The following TIMD4 variants were observed in gnomAD, a reference collection of about 807,000 sequenced individuals.
TIMD4 encodes T cell immunoglobulin and mucin domain containing 4, also known as T-cell immunoglobulin and mucin domain-containing protein 4.
In TIMD4, 31 loss-of-function variants were observed where a neutral mutation model predicts 41.2. The observed-to-expected ratio is 0.75, with a 90% CI of 0.57 to 1.01. The LOEUF is 1.01. TIMD4 is among the 50% of genes least tolerant of loss of function. The pLI, the probability that TIMD4 is intolerant of heterozygous loss-of-function variation, is 0.00. For synonymous variants in TIMD4, 204 were observed against 177.1 expected, an observed-to-expected ratio of 1.15 and a Z score of -1.21; for missense variants, 479 against 472.5, an observed-to-expected ratio of 1.01 and a Z score of -0.13.
chr5:156,954,665 G>C lies in TIMD4; in HGVS notation c.150C>G (p.Asn50Lys), dbSNP rs919633866. 6 of 1,614,236 alleles carry C rather than the reference G, an allele frequency of 3.7e-6. No homozygotes were observed. Among genetic ancestry groups the C allele is most frequent in the Non-Finnish European group, 4.2e-6 (5 of 1,180,048 alleles). ...CLYSSWSHNSNSMCWGKDQCP... is the reference protein window; with the variant it reads ...CLYSSWSHNSKSMCWGKDQCP... ...ACTGGTCTTTCCCCCAGCACATGCT[G>C]TTGCTGTTGTGAGACCAGGATGAGT... Residue 50 changes from asparagine to lysine, a missense_variant, in exon 2 of 9, where the codon AAC (asparagine) becomes AAG (lysine). Asn to Lys is a moderately conservative substitution (Grantham distance 94). Coordinates refer to ENST00000274532, the MANE Select transcript of TIMD4 (RefSeq NM_138379.3).
At chr5:156,930,648 T>A (rs1343239306) in intron 5 of TIMD4, among the ~76,000 whole-genome samples, 2 of 152,256 alleles carry the variant, frequency 1.3e-5, no homozygotes. Context: ...TACATTTATT[T>A]ATACCTTATC....
chr5:156,920,847 C>T (rs1644817817), intron 7 of TIMD4, among the ~76,000 whole-genome samples: 1 of 152,164 alleles, frequency 6.6e-6, no homozygotes, highest in Admixed American at 6.5e-5. Context: ...TGTAATCATG[C>T]CTTTGTATGA....
chr5:156,956,984 AC>A (rs1358556340), intron 1 of TIMD4, among the ~76,000 whole-genome samples: 1 of 150,634 alleles, frequency 6.6e-6, no homozygotes, highest in African/African-American at 2.4e-5. Context: ...CCTAAGAGTC[AC>A]CCATATGGTA....
rs1384302006 is a variant in TIMD4, at chr5:156,951,736, G to C, written c.455C>G (p.Thr152Arg). 9 of 1,613,562 alleles carry C rather than the reference G, an allele frequency of 5.6e-6. No homozygotes were observed. Among genetic ancestry groups the C allele is most frequent in the Non-Finnish European group, 7.6e-6 (9 of 1,179,800 alleles). ...CATTTGTCGGGTGGTGGTGGGGCTT[G>C]TTGTTGTTGTTCTGCGTGTGGTGGT... ...ATTTTRRTTT[T>R]SPTTTRQMTT... The change falls in exon 3 of 9, where the codon ACA becomes AGA. Residue 152 changes from threonine to arginine, a missense_variant. By Grantham distance (71) the Thr-to-Arg change is moderately conservative. Transcript: ENST00000274532.
At chr5:156,954,172 AC>A (rs111761762) in intron 2 of TIMD4, among the ~76,000 whole-genome samples, 1,581 of 152,330 alleles carry the variant, frequency 0.01, 7 homozygotes, top group African/African-American at 0.016. Context: ...TCCCCTAGAT[AC>A]GTAGCAGCTG....
At position 156,919,493 on chromosome 5, in the gene TIMD4, A is replaced by T; in HGVS notation, c.1101T>A (p.His367Gln). ...AAAGGCCGTCTTCGTCTTCCCTTCC[A>T]TGCTGCACGTCATTGAGGACATTTT... is the stretch of plus-strand genomic sequence containing the variant. The part of the protein sequence containing the change: ...DSKNVLNDVQ[H>Q]GREDEDGLFT... The change falls in exon 9 of 9, where the codon CAT becomes CAA. Residue 367 changes from histidine (H) to glutamine (Q), a missense_variant. Coordinates refer to ENST00000274532, the MANE Select transcript of TIMD4 (RefSeq NM_138379.3). 2 of 1,614,032 alleles carry T rather than the reference A, an allele frequency of 1.2e-6. No individual in the cohort carries two copies. The highest frequency in any genetic ancestry group is 1.7e-6 in the Non-Finnish European group (2 of 1,179,942).
In TIMD4 at chr5:156,951,689, G is replaced by A. The variant is rs1210480986; in HGVS notation, c.502C>T (p.Pro168Ser). ...RQMTTTPAAL[P>S]TTVVTTPDLT... Reference sequence around the variant, plus strand: ...TCGGGTGTGGTCACGACTGTTGTTGGAAGTGCAGCTGGGGTTGTTGTCATT... The same window carrying A: ...TCGGGTGTGGTCACGACTGTTGTTGAAAGTGCAGCTGGGGTTGTTGTCATT... Residue 168 changes from proline to serine, a missense_variant, in exon 3 of 9, where the codon CCA becomes TCA. By Grantham distance (74) the Pro-to-Ser change is moderately conservative. Transcript: ENST00000274532. The A allele has an allele frequency of 4.3e-6, 7 of 1,614,020 alleles. No homozygotes were observed. The highest frequency in any genetic ancestry group is 5.9e-6 in the Non-Finnish European group (7 of 1,180,040).
chr5:156,924,716 AATTTCAT>A, intron 6 of TIMD4: 1 of 174,526 alleles, frequency 5.7e-6, no homozygotes, highest in Non-Finnish European at 1.2e-5. Context: ...ATAAATAGAA[AATTTCAT>A]GCTCTACACA....
chr5:156,952,061 G>A (rs1404706059), intron 2 of TIMD4, among the ~76,000 whole-genome samples: 6 of 151,978 alleles, frequency 3.9e-5, no homozygotes, highest in Admixed American at 6.5e-5. Flanking sequence ...AGGCCGAGGC[G>A]GGTGGATCAT....
intron 1 of TIMD4, among the ~76,000 whole-genome samples, chr5:156,962,793 C>T (rs1370299915): frequency 6.6e-6 from 1 of 152,142 alleles, no homozygotes; most frequent in East Asian, 1.9e-4. Flanking sequence ...CAATTCTCAC[C>T]AGAACAAATT....
At chr5:156,928,303 A>AAG (rs1759384736) in intron 5 of TIMD4, among the ~76,000 whole-genome samples, 1 of 151,944 alleles carries the variant, frequency 6.6e-6, no homozygotes, top group African/African-American at 2.4e-5. Flanking sequence ...TCTAAAAAAA[A>AAG]AAGACAGAAA....
chr5:156,924,354 G>T, intron 6 of TIMD4: 1 of 361,260 alleles, frequency 2.8e-6, no homozygotes, highest in South Asian at 2.4e-5. Context: ...TTGGTGTCAG[G>T]AAAGGTACTC....
intron 5 of TIMD4, among the ~76,000 whole-genome samples, chr5:156,942,273 G>C (rs1263526673): frequency 6.6e-6 from 1 of 152,198 alleles, no homozygotes; most frequent in African/African-American, 2.4e-5. Context: ...CTTCAAGAAA[G>C]CTCTGTTGAG....
At chr5:156,962,153 A>G (rs2113404569) in intron 1 of TIMD4, among the ~76,000 whole-genome samples, 1 of 152,254 alleles carries the variant, frequency 6.6e-6, no homozygotes, top group Non-Finnish European at 1.5e-5. Context: ...GGAAAAAGGG[A>G]AAAAATACAA....
intron 5 of TIMD4, among the ~76,000 whole-genome samples, chr5:156,936,203 C>T (rs1759537077): frequency 6.6e-6 from 1 of 152,188 alleles, no homozygotes; most frequent in Non-Finnish European, 1.5e-5. Flanking sequence ...CACACCACTG[C>T]ACTCCAGCCT....
chr5:156,960,117 C>CA (rs1760052358), intron 1 of TIMD4, among the ~76,000 whole-genome samples: 1 of 151,112 alleles, frequency 6.6e-6, no homozygotes, highest in Non-Finnish European at 1.5e-5. Flanking sequence ...CAAAATAAAA[C>CA]AAAAAACAGC....
chr5:156,949,671 G>C lies in TIMD4; in HGVS notation c.740C>G (p.Thr247Ser), dbSNP rs147255995. 7.4e-6 allele frequency: 12 copies of C among 1,612,888 alleles called. No homozygotes were observed. The African/African-American group carries it at 1.3e-4, about 18-fold the overall frequency. The change falls in exon 4 of 9, where the codon ACT (threonine) becomes AGT (serine). Residue 247 changes from threonine to serine, a missense_variant. Coordinates refer to ENST00000274532, the MANE Select transcript of TIMD4 (RefSeq NM_138379.3). ...WSSVESTSADTVLLTSKESKV... is the reference protein window; with the variant it reads ...WSSVESTSADSVLLTSKESKV... ...CACACCTTTGGATGTCAGCAGGACA[G>C]TGTCAGCAGAAGTAGACTCAACACT... is the stretch of plus-strand genomic sequence containing the variant.
chr5:156,959,071 C>T (rs1411122540), intron 1 of TIMD4, among the ~76,000 whole-genome samples: 5 of 152,128 alleles, frequency 3.3e-5, no homozygotes, highest in Admixed American at 6.6e-5. Flanking sequence ...GTGTCAGTTA[C>T]CCCCAGGATC....
chr5:156,962,488 G>A (rs929830089), intron 1 of TIMD4, among the ~76,000 whole-genome samples: 18 of 152,112 alleles, frequency 1.2e-4, no homozygotes, highest in Non-Finnish European at 1.8e-4. Context: ...GTGACAACTG[G>A]TCATTTAAAA....
Sources: allele counts gnomAD v4.1 joint callset (sites outside exome capture counted in the v4.1 genomes callset), GRCh38; gene constraint gnomAD v4.1.1; transcripts MANE v1.5; gene names NCBI Gene and HGNC (gene_info 2026-07-23, HGNC 2026-07-21).